The following TNXB variants were observed in gnomAD, a reference collection of about 807,000 sequenced individuals.
The protein encoded by TNXB is tenascin-X.
TNXB carries 183 observed loss-of-function variants against 340.5 expected under a neutral mutation model. That is an observed-to-expected ratio of 0.54 (90% CI 0.48 to 0.61). TNXB has a LOEUF of 0.61. Among genes scored for constraint, TNXB ranks in the 20% least tolerant of loss-of-function variants. TNXB has a pLI of 0.00. For missense variants in TNXB, 4,613 were observed against 5,446.4 expected (o/e 0.85, Z 4.82); for synonymous variants, 2,121 against 2,314.5 (o/e 0.92, Z 2.40).
At position 32,095,611 on chromosome 6, in the gene TNXB, C is replaced by T; in HGVS notation, c.2242G>A (p.Glu748Lys). 6.2e-7 allele frequency: 1 copy of T among 1,608,618 alleles called. No homozygotes were observed. The highest frequency in any genetic ancestry group is 2.2e-5 in the East Asian group (1 of 44,728). Reference protein sequence around the residue: ...DGYAGEDCGEEVPTIEGMRMH... With the variant: ...DGYAGEDCGEKVPTIEGMRMH... The stretch of plus-strand genomic sequence containing the variant: ...ACACTGGGGAAGGCTGCCTGCTCAC[C>T]TTCTCCGCAGTCTTCGCCAGCATAC... Residue 748 changes from glutamate to lysine, a missense_variant and splice_region_variant, in exon 3 of 44, where the codon GAG becomes AAG. Transcript: ENST00000644971.
chr6:32,102,100 C>T (rs1047681572), intron 1 of TNXB, among the ~76,000 whole-genome samples: 3 of 152,168 alleles, frequency 2.0e-5, no homozygotes, highest in Admixed American at 6.6e-5. Context: ...TAAGATGCCA[C>T]TAAATATCCT....
Position 32,052,578 on chromosome 6 carries a change from T to A in TNXB, c.9115+92A>T, listed in dbSNP as rs958401087. 20 of 1,505,590 alleles carry A rather than the reference T, an allele frequency of 1.3e-5. No homozygotes were observed. The highest frequency in any genetic ancestry group is 4.0e-5 in the Admixed American group (2 of 50,554). The allele number at this position is 1,505,590 out of a possible 1,614,324, so 93.3% of individuals were successfully genotyped here. Reference sequence around the variant, plus strand: ...GCATTTGGATACACAAAGGAAGGAATACTCTTCAGAGTATGTTTTCACGAA... The same window carrying A: ...GCATTTGGATACACAAAGGAAGGAAAACTCTTCAGAGTATGTTTTCACGAA... On this transcript the variant is annotated intron_variant, in intron 26 of 43. Coordinates refer to ENST00000644971, the MANE Select transcript of TNXB (RefSeq NM_001365276.2). The surrounding 1 kb of genome is among the most constrained non-coding windows in gnomAD (Gnocchi z 4.7).
At chr6:32,103,880 C>T (rs763023502) in intron 1 of TNXB, among the ~76,000 whole-genome samples, 7 of 151,878 alleles carry the variant, frequency 4.6e-5, no homozygotes, top group Non-Finnish European at 8.8e-5. Flanking sequence ...TACAGGCACC[C>T]GCTACCACAC....
rs1390018472 is a variant in TNXB, at chr6:32,096,103, C to A, written c.1750G>T (p.Asp584Tyr). The A allele has an allele frequency of 1.9e-6, 3 of 1,608,982 alleles. No individual in the cohort carries two copies. Among genetic ancestry groups the A allele is most frequent in the Non-Finnish European group, 2.5e-6 (3 of 1,178,396 alleles). ...CVCEDGYSGE[D>Y]CGVRQCPNDC... ...TTCGGGCACTGCCTCACACCGCAAT[C>A]CTCGCCAGAGTAGCCGTCCTCGCAC... Residue 584 changes from aspartate (D) to tyrosine (Y), a missense_variant, in exon 3 of 44, where the codon GAT becomes TAT. Transcript: ENST00000644971.
rs760646066 is a variant in TNXB, at chr6:32,087,826, G to A, written c.2779+959C>T. 4 of 506,888 alleles carry A rather than the reference G, an allele frequency of 7.9e-6. No individual in the cohort carries two copies. In the East Asian group the frequency reaches 2.3e-4, roughly 30 times the overall value. 31.4% of individuals were successfully genotyped at this position (506,888 alleles called of 1,614,324 possible). ...CGTCAGGTTGCCCCAAGGCCGCCGT[G>A]GGGGCTGGGACAGGCTTGGCCTGGG... On this transcript the variant is annotated intron_variant, in intron 6 of 43. Transcript: ENST00000644971. This position sits in a 1 kb window ranked among gnomAD's most constrained non-coding sequence, Gnocchi z 9.0.
rs878914056 is a variant in TNXB at position 32,052,974 on chromosome 6, G to A, written c.8811C>T (p.Pro2937=). 9.9e-6 allele frequency: 16 copies of A among 1,611,202 alleles called. No individual in the cohort carries two copies. The highest frequency in any genetic ancestry group is 2.2e-5 in the East Asian group (1 of 44,854). Residue 2937 remains proline, a synonymous_variant, in exon 26 of 44, where the codon CCC becomes CCT. Transcript: ENST00000644971. This position sits in a 1 kb window ranked among gnomAD's most constrained non-coding sequence, Gnocchi z 4.7. ...IGVTAAEEET[P]APTEPSTEAP... ...CCTCCGTGCTGGGTTCTGTGGGGGC[G>A]GGAGTTTCTTCCTCTGCAGCTGAGA... is the stretch of plus-strand genomic sequence containing the variant.
Position 32,074,063 on chromosome 6 carries a change from C to A in TNXB, c.4376-111G>T. ...TATTTTTGAGATGGAGTCTCGCTGT[C>A]ACCCAGAGCAGTGGGCGACCTCGGC... On this transcript the variant is annotated intron_variant, in intron 11 of 43. Coordinates refer to ENST00000644971, the MANE Select transcript of TNXB (RefSeq NM_001365276.2). This position sits in a 1 kb window ranked among gnomAD's most constrained non-coding sequence, Gnocchi z 5.5. 9.2e-7 allele frequency: 1 copy of A among 1,092,358 alleles called. No individual in the cohort carries two copies. Among genetic ancestry groups the A allele is most frequent in the Non-Finnish European group, 1.3e-6 (1 of 798,242 alleles). 67.7% of individuals were successfully genotyped at this position (1,092,358 alleles called of 1,614,324 possible).
Position 32,058,527 on chromosome 6 carries a change from T to G in TNXB, c.7493-137A>C. ...GGCTGGGGCAGCTTTGTGTTCGCCG[T>G]TCAGTGACTCTTGGAATAAGAGCCG... On this transcript the variant is annotated intron_variant, in intron 21 of 43. Coordinates refer to ENST00000644971, the MANE Select transcript of TNXB (RefSeq NM_001365276.2). This position sits in a 1 kb window ranked among gnomAD's most constrained non-coding sequence, Gnocchi z 5.1. The G allele has an allele frequency of 1.4e-6, 1 of 732,544 alleles. No homozygotes were observed. Among genetic ancestry groups the G allele is most frequent in the African/African-American group, 1.8e-5 (1 of 55,976 alleles). 45.4% of individuals were successfully genotyped at this position (732,544 alleles called of 1,614,324 possible). A position where few individuals can be genotyped will look rare whatever the true frequency, so the allele number is the denominator to read the frequency against.
intron 3 of TNXB, 141 bp from the exon 4 acceptor site, chr6:32,095,332 C>T: frequency 1.4e-6 from 1 of 729,424 alleles, no homozygotes; most frequent in Non-Finnish European, 2.3e-6. Flanking sequence ...TGACAGAGGG[C>T]TGAACGGGGC....
chr6:32,057,122 C>T (rs1333145684), intron 22 of TNXB, among the ~76,000 whole-genome samples: 1 of 151,894 alleles, frequency 6.6e-6, no homozygotes, highest in Non-Finnish European at 1.5e-5. Flanking sequence ...CCTCCCAACA[C>T]CCAGGCCACC....
intron 6 of TNXB, 123 bp downstream of exon 6, chr6:32,088,662 G>A (rs907315900): frequency 1.1e-5 from 15 of 1,401,310 alleles, no homozygotes; most frequent in Admixed American, 4.6e-5. Flanking sequence ...CAGGTGCCTC[G>A]AGACTGCCAC....
At chr6:32,104,730 T>C (rs1270067783) in intron 1 of TNXB, among the ~76,000 whole-genome samples, 1 of 152,078 alleles carries the variant, frequency 6.6e-6, no homozygotes, top group African/African-American at 2.4e-5. Flanking sequence ...GACCTCCTGT[T>C]GCTCAAGCAA....
At chr6:32,043,364 G>A (rs1213891647) in intron 36 of TNXB, 46 bp from the exon 37 acceptor site, 2 of 425,074 alleles carry the variant, frequency 4.7e-6, no homozygotes, top group East Asian at 3.5e-5. Flanking sequence ...CTCCATCCTC[G>A]GCCAGAGTCC....
Position 32,067,707 on chromosome 6 carries a change from G to C in TNXB, c.6498C>G (p.Leu2166=). ...CTGGGCCCACGCGCCGCCCCTCGTG[G>C]AGGCCGTACAGGTGCATCTTGTACT... ...GRKYKMHLYG[L]HEGRRVGPVS... Residue 2166 remains leucine, a synonymous_variant, in exon 18 of 44, where the codon CTC becomes CTG. Coordinates refer to ENST00000644971, the MANE Select transcript of TNXB (RefSeq NM_001365276.2). The surrounding 1 kb of genome is among the most constrained non-coding windows in gnomAD (Gnocchi z 4.2). The C allele has an allele frequency of 6.2e-7, 1 of 1,613,810 alleles. No homozygotes were observed. Among genetic ancestry groups the C allele is most frequent in the Non-Finnish European group, 8.5e-7 (1 of 1,179,820 alleles).
At chr6:32,048,843 G>C (rs1014264318) in intron 28 of TNXB, among the ~76,000 whole-genome samples, 193 bp from the exon 29 acceptor site, 2 of 152,192 alleles carry the variant, frequency 1.3e-5, no homozygotes, top group Non-Finnish European at 2.9e-5. Context: ...ATATGAAGTG[G>C]GTGCCATTAT....
Position 32,058,308 on chromosome 6 carries a change from C to G in TNXB, c.7575G>C (p.Leu2525=). The G allele has an allele frequency of 6.2e-7, 1 of 1,611,918 alleles. No homozygotes were observed. Among genetic ancestry groups the G allele is most frequent in the Non-Finnish European group, 8.5e-7 (1 of 1,179,552 alleles). Residue 2525 remains leucine, a synonymous_variant, in exon 22 of 44, where the codon CTG becomes CTC. Transcript: ENST00000644971. This position sits in a 1 kb window ranked among gnomAD's most constrained non-coding sequence, Gnocchi z 5.1. Reference sequence around the variant, plus strand: ...AGGATCCTGTCACTGTCAGCTCCCCCAGGAGAGGCTCCTCGGGGGGCCCTG... The same window carrying G: ...AGGATCCTGTCACTGTCAGCTCCCCGAGGAGAGGCTCCTCGGGGGGCCCTG... ...EAPGPPEEPL[L]GELTVTGSSP...
Position 32,043,420 on chromosome 6 carries a change from G to A in TNXB, c.11650+17C>T. The A allele has an allele frequency of 2.0e-6, 1 of 504,708 alleles. No individual in the cohort carries two copies. Among genetic ancestry groups the A allele is most frequent in the African/African-American group, 4.5e-5 (1 of 22,016 alleles). 31.3% of individuals were successfully genotyped at this position (504,708 alleles called of 1,614,324 possible). ...CACCCTGAACAAGTCCCCTCCAGAG[G>A]CCTCAGGCCTGCTCACCCCCAGGGG... On this transcript the variant is annotated intron_variant, in intron 36 of 43. Coordinates refer to ENST00000644971, the MANE Select transcript of TNXB (RefSeq NM_001365276.2).
chr6:32,053,564 T>A lies in TNXB; in HGVS notation c.8615A>T (p.Asp2872Val). 1 of 1,613,622 alleles carries A rather than the reference T, an allele frequency of 6.2e-7. No individual in the cohort carries two copies. The highest frequency in any genetic ancestry group is 8.5e-7 in the Non-Finnish European group (1 of 1,179,860). The change falls in exon 25 of 44, where the codon GAC becomes GTC. Residue 2872 changes from aspartate to valine, a missense_variant. Coordinates refer to ENST00000644971, the MANE Select transcript of TNXB (RefSeq NM_001365276.2). ...ATTCCTGTACTGGACCAGGAAGTGG[T>A]CAAACTGGCCCTCGGGGACCATCCA... ...LSWMVPEGQF[D>V]HFLVQYRNGD...
In TNXB at chr6:32,068,973, A is replaced by G. The variant is rs558917853; in HGVS notation, c.5751T>C (p.Asp1917=). The G allele has an allele frequency of 1.2e-6, 2 of 1,612,808 alleles. No individual in the cohort carries two copies. The highest frequency in any genetic ancestry group is 2.2e-5 in the East Asian group (1 of 44,882). Residue 1917 remains aspartate (D), a synonymous_variant, in exon 16 of 44, where the codon GAT becomes GAC. Coordinates refer to ENST00000644971, the MANE Select transcript of TNXB (RefSeq NM_001365276.2). The surrounding 1 kb of genome is among the most constrained non-coding windows in gnomAD (Gnocchi z 5.3). ...EFDSFEIQYT[D]RDGQLQMVRI... ...GGACCATTTGGAGTTGCCCGTCTCT[A>G]TCTGTGTACTGGATTTCGAAGGAGT...
Sources: allele counts gnomAD v4.1 joint callset (sites outside exome capture counted in the v4.1 genomes callset), GRCh38; gene constraint gnomAD v4.1.1; non-coding constraint Gnocchi (gnomAD v3.1); transcripts MANE v1.5; gene names NCBI Gene and HGNC (gene_info 2026-07-23, HGNC 2026-07-21).